MAP3K12: variants seen among roughly 807,000 people sequenced by gnomAD.
The protein encoded by MAP3K12 is MAPK-upstream kinase.
Under a neutral mutation model 87.5 loss-of-function variants are expected in MAP3K12, and 14 were observed. That is an observed-to-expected ratio of 0.16 (90% confidence interval 0.11 to 0.25). The LOEUF (loss-of-function observed/expected upper bound fraction) is 0.25, where lower values mean the gene tolerates loss of function less well. MAP3K12 is among the 10% of genes least tolerant of loss of function. The probability of loss-of-function intolerance (pLI) is 1.00; values close to 1 mark genes in which losing one functional copy is unlikely to be tolerated. For synonymous variants in MAP3K12, 469 were observed against 452.5 expected (o/e 1.04, Z -0.46); for missense variants, 802 against 1,140.4 (o/e 0.70, Z 4.27).
rs749296036 is a variant in MAP3K12 at position 53,481,993 on chromosome 12, C to A, written c.2528G>T (p.Gly843Val). 6.2e-7 allele frequency: 1 copy of A among 1,614,160 alleles called. No individual in the cohort carries two copies. The highest frequency in any genetic ancestry group is 8.5e-7 in the Non-Finnish European group (1 of 1,180,030). ...AATGGGCAGGGAGCTGGGTTCAGGG[C>A]CAGGGATGACCTCTGAAGGAGGTGG... Reference protein sequence around the residue: ...LDPPPSEVIPGPEPSSLPIPH... With the variant: ...LDPPPSEVIPVPEPSSLPIPH... The change falls in exon 13 of 14, where the codon GGC becomes GTC. Residue 843 changes from glycine (G) to valine (V), a missense_variant. Around this residue, in one of 5 missense-constraint regions of MAP3K12, gnomAD observed 490 missense variants for 496.6 expected, o/e 0.99. Transcript: ENST00000547488.
At position 53,483,485 on chromosome 12, in the gene MAP3K12, G is replaced by T. The variant is rs369615328; in HGVS notation, c.1477C>A (p.Arg493=). The change falls in exon 10 of 14, where the codon CGA becomes AGA. Residue 493 remains arginine, a splice_region_variant and synonymous_variant. Coordinates refer to ENST00000547488, the MANE Select transcript of MAP3K12 (RefSeq NM_001193511.2). ...LELKERELLR[R]EQALERRCPG... ...CACCTCCGCTCTAAAGCTTGCTCTCGCCTAAAGATCCAGGCACCTTCTCAG... is the reference window on the plus strand; with the variant it reads ...CACCTCCGCTCTAAAGCTTGCTCTCTCCTAAAGATCCAGGCACCTTCTCAG... 3.7e-6 allele frequency: 6 copies of T among 1,613,918 alleles called. No homozygotes were observed. Among genetic ancestry groups the T allele is most frequent in the Non-Finnish European group, 5.1e-6 (6 of 1,179,998 alleles).
At chr12:53,497,346 A>G (rs1943564726) in intron 1 of MAP3K12, among the ~76,000 whole-genome samples, 1 of 152,160 alleles carries the variant, frequency 6.6e-6, no homozygotes, top group Non-Finnish European at 1.5e-5. Flanking sequence ...AGCAAGTGCC[A>G]GTAGGGAGGG....
In MAP3K12 at chr12:53,485,236, T is replaced by C. The variant is rs149657580; in HGVS notation, c.981-22A>G. The C allele has an allele frequency of 5.1e-4, 814 of 1,603,906 alleles. 1 individual carries two copies. Among genetic ancestry groups the C allele is most frequent in the Non-Finnish European group, 6.4e-4 (754 of 1,173,846 alleles). On this transcript the variant is annotated intron_variant, in intron 5 of 13. Coordinates refer to ENST00000547488, the MANE Select transcript of MAP3K12 (RefSeq NM_001193511.2). ...GGACCTAGGGATGAGGGGACATCAC[T>C]TGTGCTCAAGCCCTAGAAGTTGCCC...
In MAP3K12 at chr12:53,482,124, T is replaced by C. The variant is rs1229231485; in HGVS notation, c.2397A>G (p.Glu799=). 2 of 1,614,102 alleles carry C rather than the reference T, an allele frequency of 1.2e-6. No homozygotes were observed. The highest frequency in any genetic ancestry group is 4.5e-5 in the East Asian group (2 of 44,880). Residue 799 remains glutamate (E), a synonymous_variant, in exon 13 of 14, where the codon GAA becomes GAG. Transcript: ENST00000547488. ...CTTCAGGTGTGCCACTGGGGGAAGG[T>C]TCACTAGCTGTGCCTTCCTCCCCAT... ...PSDGEEGTAS[E]PSPSGTPEVG... is the part of the protein sequence containing the mutation.
In MAP3K12 at chr12:53,482,921, G is replaced by A. The variant is rs199578693; in HGVS notation, c.1882C>T (p.Arg628Cys). Reference protein sequence around the residue: ...SAWEACPPALRGLHHDLLLRK... With the variant: ...SAWEACPPALCGLHHDLLLRK... Reference sequence around the variant, plus strand: ...AGCAGGAGGTCATGATGAAGCCCACGGAGGGCGGGAGGGCAGGCCTCCCAG... The same window carrying A: ...AGCAGGAGGTCATGATGAAGCCCACAGAGGGCGGGAGGGCAGGCCTCCCAG... The change falls in exon 11 of 14, where the codon CGT becomes TGT. Residue 628 changes from arginine (R) to cysteine (C), a missense_variant. Arg to Cys is a radical substitution (Grantham distance 180, BLOSUM62 -3). This residue lies in a region of MAP3K12 where 490 missense variants were observed against 496.6 expected (regional missense o/e 0.99). Coordinates refer to ENST00000547488, the MANE Select transcript of MAP3K12 (RefSeq NM_001193511.2). 13 of 1,608,960 alleles carry A rather than the reference G, an allele frequency of 8.1e-6. No homozygotes were observed. Among genetic ancestry groups the A allele is most frequent in the East Asian group, 2.2e-5 (1 of 44,866 alleles).
Position 53,482,082 on chromosome 12 carries a change from A to T in MAP3K12, c.2439T>A (p.Thr813=). 1 of 1,614,148 alleles carries T rather than the reference A, an allele frequency of 6.2e-7. No individual in the cohort carries two copies. Among genetic ancestry groups the T allele is most frequent in the Non-Finnish European group, 8.5e-7 (1 of 1,180,034 alleles). Reference sequence around the variant, plus strand: ...CAGACCGCTCATCTGGCCGCTCATCAGTGTTGGTGCTGCCAACTTCAGGTG... The same window carrying T: ...CAGACCGCTCATCTGGCCGCTCATCTGTGTTGGTGCTGCCAACTTCAGGTG... ...SGTPEVGSTN[T]DERPDERSDD... is the part of the protein sequence containing the mutation. Residue 813 remains threonine, a synonymous_variant, in exon 13 of 14, where the codon ACT becomes ACA. Transcript: ENST00000547488.
intron 6 of MAP3K12, 53 bp from the exon 7 acceptor site, chr12:53,484,418 T>G: frequency 1.5e-6 from 2 of 1,339,202 alleles, no homozygotes; most frequent in Non-Finnish European, 1.1e-6. Context: ...GAGGATCAGA[T>G]AGGAACTGGA....
chr12:53,485,638 C>T (rs1592712130), intron 4 of MAP3K12, 163 bp from the exon 5 acceptor site: 1 of 721,078 alleles, frequency 1.4e-6, no homozygotes, highest in Admixed American at 2.8e-5. Context: ...TCACTGCAAC[C>T]TCCACCTCCT....
Position 53,483,101 on chromosome 12 carries a change from G to A in MAP3K12, c.1702C>T (p.Pro568Ser). 1 of 1,527,472 alleles carries A rather than the reference G, an allele frequency of 6.5e-7. No homozygotes were observed. Among genetic ancestry groups the A allele is most frequent in the Non-Finnish European group, 8.8e-7 (1 of 1,139,926 alleles). 94.6% of individuals were successfully genotyped at this position (1,527,472 alleles called of 1,614,324 possible). A position where few individuals can be genotyped will look rare whatever the true frequency, so the allele number is the denominator to read the frequency against. ...CCACGGCGACTCCGTCCTGGTGAGG[G>A]GGGGCCCTTAGGACACCCAGGAAGC... ...VGLPGCPKGP[P>S]SPGRSRRGKT... The change falls in exon 11 of 14, where the codon CCC becomes TCC. Residue 568 changes from proline (P) to serine (S), a missense_variant. Pro to Ser is a moderately conservative substitution (Grantham distance 74, BLOSUM62 -1). Around this residue, in one of 5 missense-constraint regions of MAP3K12, gnomAD observed 490 missense variants for 496.6 expected, o/e 0.99. Transcript: ENST00000547488.
upstream of MAP3K12, chr12:53,501,297 C>T (rs898222132): frequency 1.7e-6 from 2 of 1,199,512 alleles, no homozygotes; most frequent in East Asian, 2.6e-5. Context: ...TGCCCCGCGG[C>T]GGGCCCTACC....
chr12:53,494,042 C>T (rs999149752), intron 1 of MAP3K12, among the ~76,000 whole-genome samples: 5 of 152,198 alleles, frequency 3.3e-5, no homozygotes, highest in African/African-American at 7.2e-5. Context: ...AGATTCCTCT[C>T]TCCCAACACA....
intron 11 of MAP3K12, 26 bp downstream of exon 11, chr12:53,482,539 A>C (rs1943093069): frequency 1.3e-6 from 2 of 1,595,136 alleles, no homozygotes; most frequent in Non-Finnish European, 8.5e-7. Context: ...AAAGGGAAAG[A>C]GCTTGGGAGC....
chr12:53,483,192 GGAA>G lies in MAP3K12; in HGVS notation c.1614-6_1614-4del, dbSNP rs960751407. On this transcript the variant is annotated splice_region_variant and splice_polypyrimidine_tract_variant and intron_variant, in intron 10 of 13. Transcript: ENST00000547488. The stretch of plus-strand genomic sequence containing the variant: ...ACTCCGTCTTGAGGATATCTGGCCT[GGAA>G]GAAGAGGAAAAGTAAAAGGTTAAGA... 33 of 1,525,628 alleles carry G rather than the reference GGAA, an allele frequency of 2.2e-5. No homozygotes were observed. The highest frequency in any genetic ancestry group is 2.9e-5 in the Non-Finnish European group (33 of 1,139,044). 94.5% of individuals were successfully genotyped at this position (1,525,628 alleles called of 1,614,324 possible).
chr12:53,490,272 C>T (rs958229108), intron 1 of MAP3K12, among the ~76,000 whole-genome samples: 2 of 151,938 alleles, frequency 1.3e-5, no homozygotes, highest in Non-Finnish European at 2.9e-5. Flanking sequence ...CCACTGTACT[C>T]CAGCCTGGGT....
rs967246115 is a variant in MAP3K12 at position 53,483,006 on chromosome 12, C to T, written c.1797G>A (p.Val599=). ...CGDLPGLRTA[V]PPHEPGGPGS... ...CTGGTCCTCCAGGTTCATGGGGTGG[C>T]ACAGCTGTACGAAGCCCAGGCAGGT... Residue 599 remains valine (V), a synonymous_variant, in exon 11 of 14, where the codon GTG becomes GTA. Transcript: ENST00000547488. The T allele has an allele frequency of 6.4e-7, 1 of 1,566,758 alleles. No individual in the cohort carries two copies. Among genetic ancestry groups the T allele is most frequent in the Non-Finnish European group, 8.6e-7 (1 of 1,157,204 alleles).
In MAP3K12 at chr12:53,487,121, G is replaced by A. The variant is rs1943248046; in HGVS notation, c.271C>T (p.Pro91Ser). ...LQLHEQDAGG[P>S]GGAAGSPESR... ...TCAGGTGACCCAGCTGCTCCCCCTG[G>A]GCCCCCTGCATCCTGCTCATGTAGC... Residue 91 changes from proline to serine, a missense_variant, in exon 2 of 14, where the codon CCA becomes TCA. Physicochemically the swap from Pro to Ser is moderately conservative, Grantham distance 74. Around this residue, in one of 5 missense-constraint regions of MAP3K12, gnomAD observed 135 missense variants for 151.6 expected, o/e 0.89. Transcript: ENST00000547488. 2 of 1,613,900 alleles carry A rather than the reference G, an allele frequency of 1.2e-6. No homozygotes were observed. Among genetic ancestry groups the A allele is most frequent in the African/African-American group, 2.7e-5 (2 of 74,964 alleles).
In MAP3K12 at chr12:53,482,793, C is replaced by T. The variant is rs148322336; in HGVS notation, c.2010G>A (p.Pro670=). The T allele has an allele frequency of 1.4e-5, 23 of 1,611,998 alleles. No homozygotes were observed. The highest frequency in any genetic ancestry group is 1.0e-4 in the Admixed American group (6 of 59,898). ...CACTTGGTGGGGTGTCACCCCGGGC[C>T]GGAGGTGGTGAGCCAGGATCCCCAG... ...GGAGDPGSPP[P]ARGDTPPSEG... Residue 670 remains proline (P), a synonymous_variant, in exon 11 of 14, where the codon CCG becomes CCA. Coordinates refer to ENST00000547488, the MANE Select transcript of MAP3K12 (RefSeq NM_001193511.2).
chr12:53,481,365 T>C (rs1473970988), intron 13 of MAP3K12, 85 bp from the exon 14 acceptor site: 5 of 667,728 alleles, frequency 7.5e-6, no homozygotes, highest in Admixed American at 7.9e-5. Context: ...ACTGATTTGT[T>C]TTTTAAGACA....
rs149342418 is a variant in MAP3K12, at chr12:53,482,395, G to C, written c.2239-26C>G. 6.7e-5 allele frequency: 108 copies of C among 1,610,972 alleles called. 1 individual carries two copies. The East Asian group carries it at 1.1e-3, about 17-fold the overall frequency. On this transcript the variant is annotated intron_variant, in intron 11 of 13. Coordinates refer to ENST00000547488, the MANE Select transcript of MAP3K12 (RefSeq NM_001193511.2). Reference sequence around the variant, plus strand: ...CTGCAGGAGAGATGGGGTGGGGGGGGTCTGATTAGAAGTGGAAAGAGGTCA... The same window carrying C: ...CTGCAGGAGAGATGGGGTGGGGGGGCTCTGATTAGAAGTGGAAAGAGGTCA...
Sources: allele counts gnomAD v4.1 joint callset (sites outside exome capture counted in the v4.1 genomes callset), GRCh38; gene constraint gnomAD v4.1.1; regional missense constraint gnomAD v4.1.1; transcripts MANE v1.5; gene names NCBI Gene and HGNC (gene_info 2026-07-23, HGNC 2026-07-21).